The following CRPPA variants were observed in gnomAD, a reference collection of about 807,000 sequenced individuals.
CRPPA encodes the protein D-ribitol-5-phosphate cytidylyltransferase.
Under a neutral mutation model 52.0 loss-of-function variants are expected in CRPPA, and 43 were observed. That is an observed-to-expected ratio of 0.83 (90% confidence interval 0.65 to 1.07). The LOEUF is 1.07. Ranked by LOEUF, CRPPA falls within the 50% of genes least tolerant of loss-of-function variation. The pLI is 0.00. For missense variants in CRPPA, 629 were observed against 551.7 expected, an observed-to-expected ratio of 1.14 and a Z score of -1.40; for synonymous variants, 250 against 203.5, an observed-to-expected ratio of 1.23 and a Z score of -1.94.
chr7:16,099,270 G>C (rs150492943), intron 9 of CRPPA, among the ~76,000 whole-genome samples: 12 of 150,008 alleles, frequency 8.0e-5, no homozygotes, highest in African/African-American at 2.5e-4. Flanking sequence ...AGAGGAGAGG[G>C]AGAGGGGCAG....
rs1782371880 is a variant in CRPPA at position 16,116,458 on chromosome 7, C to A, written c.1252-24659G>T. Among the ~76,000 whole-genome samples, 3 of 151,910 alleles carry A rather than the reference C, an allele frequency of 2.0e-5. No homozygotes were observed. The South Asian group carries it at 6.2e-4, about 31-fold the overall frequency. ...GGCAGGTGGATCACCTGAGGTCAGG[C>A]ATTCAAGACCAGCCTGGCCAACATG... On this transcript the variant is annotated intron_variant, in intron 9 of 9. Transcript: ENST00000407010.
In CRPPA at chr7:16,258,931, C is replaced by A; in HGVS notation, c.1015G>T (p.Val339Phe). 1.2e-6 allele frequency: 2 copies of A among 1,607,738 alleles called. No individual in the cohort carries two copies. Among genetic ancestry groups the A allele is most frequent in the Non-Finnish European group, 1.7e-6 (2 of 1,176,568 alleles). Residue 339 changes from valine (V) to phenylalanine (F), a missense_variant, in exon 7 of 10, where the codon GTT becomes TTT. Val to Phe is a conservative substitution (Grantham distance 50, BLOSUM62 -1). Coordinates refer to ENST00000407010, the MANE Select transcript of CRPPA (RefSeq NM_001101426.4). ...QIILDQCYNFVCVNVTTSDFQ... is the reference protein window; with the variant it reads ...QIILDQCYNFFCVNVTTSDFQ... Reference sequence around the variant, plus strand: ...TTGAATTGACTTACATTCACACAAACAAAATTGTAGCATTGATCTAAGATG... The same window carrying A: ...TTGAATTGACTTACATTCACACAAAAAAAATTGTAGCATTGATCTAAGATG...
At chr7:16,206,698 A>AGAAT (rs1781980985) in intron 9 of CRPPA, among the ~76,000 whole-genome samples, 1 of 152,170 alleles carries the variant, frequency 6.6e-6, no homozygotes, top group Non-Finnish European at 1.5e-5. Flanking sequence ...AAAGTGTTTT[A>AGAAT]GAATGATACA....
intron 4 of CRPPA, among the ~76,000 whole-genome samples, chr7:16,303,328 C>G (rs1784828430): frequency 6.6e-6 from 1 of 151,820 alleles, no homozygotes; most frequent in Non-Finnish European, 1.5e-5. Flanking sequence ...CTTCACTAAA[C>G]AAAGTTTCTG....
intron 9 of CRPPA, among the ~76,000 whole-genome samples, chr7:16,094,705 G>A (rs1781902649): frequency 6.6e-6 from 1 of 152,048 alleles, no homozygotes; most frequent in African/African-American, 2.4e-5. Flanking sequence ...CATGCTGATA[G>A]TATACATTCT....
chr7:16,212,809 G>C (rs886357986), intron 9 of CRPPA, among the ~76,000 whole-genome samples: 4 of 152,176 alleles, frequency 2.6e-5, no homozygotes, highest in Admixed American at 6.5e-5. Flanking sequence ...CTTGTCCGAG[G>C]TGATATAACT....
rs143700719 is a variant in CRPPA, at chr7:16,103,220, C to T, written c.1252-11421G>A. On this transcript the variant is annotated intron_variant, in intron 9 of 9. Transcript: ENST00000407010. ...AACACAGCAAGAGAAAACAAAACAC[C>T]GCATGTTCTCACTCATAAGTGGGAG... 2.8e-4 allele frequency among the ~76,000 whole-genome samples: 42 copies of T among 152,158 alleles called. No homozygotes were observed. In the East Asian group the frequency reaches 7.7e-3, roughly 28 times the overall value.
intron 3 of CRPPA, among the ~76,000 whole-genome samples, chr7:16,329,394 A>C (rs1388205239): frequency 1.3e-5 from 2 of 152,214 alleles, no homozygotes; most frequent in Non-Finnish European, 2.9e-5. Context: ...AGTGAAGTGC[A>C]TGGCCCTGGA....
chr7:16,150,597 C>T lies in CRPPA; in HGVS notation c.1252-58798G>A, dbSNP rs1014512624. Reference sequence around the variant, plus strand: ...TTTTTAGAATTAAAAAACACTACCACGATATAAGAAAAAATGAGTAAGAGT... The same window carrying T: ...TTTTTAGAATTAAAAAACACTACCATGATATAAGAAAAAATGAGTAAGAGT... On this transcript the variant is annotated intron_variant, in intron 9 of 9. Coordinates refer to ENST00000407010, the MANE Select transcript of CRPPA (RefSeq NM_001101426.4). 3.3e-5 allele frequency among the ~76,000 whole-genome samples: 5 copies of T among 152,012 alleles called. No individual in the cohort carries two copies. In the East Asian group the frequency reaches 5.8e-4, roughly 18 times the overall value.
chr7:16,397,987 C>A (rs1787657672), intron 2 of CRPPA, among the ~76,000 whole-genome samples: 1 of 152,210 alleles, frequency 6.6e-6, no homozygotes, highest in South Asian at 2.1e-4. Context: ...GACCTTACCA[C>A]CTAACCAACA....
chr7:16,103,652 A>G (rs1782093224), intron 9 of CRPPA, among the ~76,000 whole-genome samples: 1 of 152,136 alleles, frequency 6.6e-6, no homozygotes, highest in South Asian at 2.1e-4. Flanking sequence ...ATAAATCTAT[A>G]CTAACACACC....
At chr7:16,308,870 T>G (rs1471240128) in intron 3 of CRPPA, among the ~76,000 whole-genome samples, 1 of 152,198 alleles carries the variant, frequency 6.6e-6, no homozygotes, top group African/African-American at 2.4e-5. Flanking sequence ...ATATGAGTTT[T>G]GAGATTCCTC....
At chr7:16,190,687 T>C (rs1781591412) in intron 9 of CRPPA, among the ~76,000 whole-genome samples, 1 of 152,114 alleles carries the variant, frequency 6.6e-6, no homozygotes, top group Admixed American at 6.6e-5. Flanking sequence ...TCTTTAGCGG[T>C]GATTTCTGAG....
chr7:16,089,460 TGTATATATGTACGTACATATATACGG>T lies in CRPPA; in HGVS notation c.*2209_*2234del, dbSNP rs1554267261. On this transcript the variant is annotated 3_prime_UTR_variant, in exon 10 of 10. Transcript: ENST00000407010. Reference sequence around the variant, plus strand: ...ATATATGTACGTGCATACATATATGTGTATATATGTACGTACATATATACGGGTATATATGTACGTACATACATAGA... The same window carrying T: ...ATATATGTACGTGCATACATATATGTGTATATATGTACGTACATACATAGA... 37 of 298,690 alleles carry T rather than the reference TGTATATATGTACGTACATATATACGG, an allele frequency of 1.2e-4. No homozygotes were observed. Among genetic ancestry groups the T allele is most frequent in the Admixed American group, 3.5e-4 (12 of 34,220 alleles). The allele number at this position is 298,690 out of a possible 1,614,324, so 18.5% of individuals were successfully genotyped here.
chr7:16,291,691 G>C (rs1784568162), intron 5 of CRPPA, among the ~76,000 whole-genome samples: 1 of 151,690 alleles, frequency 6.6e-6, no homozygotes, highest in Non-Finnish European at 1.5e-5. Context: ...ACTATTCGTA[G>C]TTAACAATAT....
At chr7:16,302,388 C>G (rs547921442) in intron 4 of CRPPA, among the ~76,000 whole-genome samples, 1 of 151,680 alleles carries the variant, frequency 6.6e-6, no homozygotes, top group East Asian at 1.9e-4. Context: ...TGTGTCTGTC[C>G]TATGGCAGAT....
chr7:16,325,461 C>T (rs1187781464), intron 3 of CRPPA, among the ~76,000 whole-genome samples: 2 of 152,146 alleles, frequency 1.3e-5, no homozygotes, highest in Non-Finnish European at 2.9e-5. Context: ...CTTTTCCTTG[C>T]AAACACAAGA....
In CRPPA at chr7:16,278,170, C is replaced by T. The variant is rs1331764983; in HGVS notation, c.892G>A (p.Val298Ile). 6.3e-7 allele frequency: 1 copy of T among 1,580,084 alleles called. No homozygotes were observed. Among genetic ancestry groups the T allele is most frequent in the Non-Finnish European group, 8.7e-7 (1 of 1,155,400 alleles). The stretch of plus-strand genomic sequence containing the variant: ...AGCACTTCTTCAAGAAGATGACCTA[C>T]ATGTTTGTTATCTTCTTCTGTATCC... ...VMDTEEDNKH[V>I]GHLLEEVLKS... Residue 298 changes from valine to isoleucine, a missense_variant, in exon 6 of 10, where the codon GTA becomes ATA. Val to Ile is a conservative substitution (Grantham distance 29). Coordinates refer to ENST00000407010, the MANE Select transcript of CRPPA (RefSeq NM_001101426.4).
chr7:16,267,473 T>G (rs553208876), intron 6 of CRPPA, among the ~76,000 whole-genome samples: 1 of 152,344 alleles, frequency 6.6e-6, no homozygotes, highest in East Asian at 1.9e-4. Context: ...AAAGGTTCTA[T>G]CATTTGAATC....
Sources: allele counts gnomAD v4.1 joint callset (sites outside exome capture counted in the v4.1 genomes callset), GRCh38; gene constraint gnomAD v4.1.1; transcripts MANE v1.5; gene names NCBI Gene and HGNC (gene_info 2026-07-23, HGNC 2026-07-21).